Variants in EFNA5 observed in about 807,000 individuals in gnomAD.
The protein encoded by EFNA5 is ephrin A5, also known as ephrin-A5.
EFNA5 carries 5 observed loss-of-function variants against 22.9 expected under a neutral mutation model. That is an observed-to-expected ratio of 0.22 (90% CI 0.11 to 0.46). The LOEUF is 0.46. Ranked by LOEUF, EFNA5 falls within the 20% of genes least tolerant of loss-of-function variation. EFNA5 has a pLI of 0.99. For synonymous variants in EFNA5, 113 were observed against 112.2 expected, an observed-to-expected ratio of 1.01 and a Z score of -0.04; for missense variants, 237 against 293.3, an observed-to-expected ratio of 0.81 and a Z score of 1.40.
intron 1 of EFNA5, among the ~76,000 whole-genome samples, chr5:107,480,168 A>G (rs1057082912): frequency 6.6e-6 from 1 of 152,224 alleles, no homozygotes; most frequent in African/African-American, 2.4e-5. Flanking sequence ...GCTCTAGTTA[A>G]AATGGGAAAA....
chr5:107,614,123 C>T (rs995410676), intron 1 of EFNA5, among the ~76,000 whole-genome samples: 4 of 152,112 alleles, frequency 2.6e-5, no homozygotes, highest in African/African-American at 9.7e-5. Flanking sequence ...CACACATAAT[C>T]CATATCCCCA....
At chr5:107,560,079 A>G (rs966951666) in intron 1 of EFNA5, among the ~76,000 whole-genome samples, 2 of 152,158 alleles carry the variant, frequency 1.3e-5, no homozygotes, top group Non-Finnish European at 2.9e-5. Context: ...ATAAAACTAG[A>G]TTTACTCTAT....
intron 1 of EFNA5, among the ~76,000 whole-genome samples, chr5:107,508,238 T>C (rs551442527): frequency 6.6e-6 from 1 of 152,292 alleles, no homozygotes; most frequent in South Asian, 2.1e-4. Flanking sequence ...ATGGATGGCT[T>C]CTTGGAACAG....
intron 1 of EFNA5, among the ~76,000 whole-genome samples, chr5:107,657,226 A>T (rs997104055): frequency 6.6e-6 from 1 of 152,116 alleles, no homozygotes; most frequent in Admixed American, 6.5e-5. Context: ...ACTTCATCTA[A>T]AACACAAATC....
chr5:107,557,459 G>A (rs931483610), intron 1 of EFNA5, among the ~76,000 whole-genome samples: 1 of 152,252 alleles, frequency 6.6e-6, no homozygotes, highest in African/African-American at 2.4e-5. Context: ...CCCACTGGCA[G>A]AGTTGAGGGT....
At chr5:107,564,063 A>G (rs187853635) in intron 1 of EFNA5, among the ~76,000 whole-genome samples, 3 of 151,808 alleles carry the variant, frequency 2.0e-5, no homozygotes, top group African/African-American at 7.2e-5. Flanking sequence ...TACGCCTGCT[A>G]TTTTCCTCCT....
At chr5:107,532,970 C>T (rs1254735385) in intron 1 of EFNA5, among the ~76,000 whole-genome samples, 1 of 152,128 alleles carries the variant, frequency 6.6e-6, no homozygotes, top group Non-Finnish European at 1.5e-5. Flanking sequence ...AAATAGAGTA[C>T]AATAAATTCC....
chr5:107,595,718 G>A (rs1418068395), intron 1 of EFNA5, among the ~76,000 whole-genome samples: 2 of 152,132 alleles, frequency 1.3e-5, no homozygotes, highest in African/African-American at 2.4e-5. Flanking sequence ...CCCAAGATTC[G>A]GAATCAGACA....
At chr5:107,491,920 C>A (rs1344653286) in intron 1 of EFNA5, among the ~76,000 whole-genome samples, 1 of 152,076 alleles carries the variant, frequency 6.6e-6, no homozygotes, top group Non-Finnish European at 1.5e-5. Context: ...CTGCAACCTC[C>A]GCCTCCAGGG....
chr5:107,430,774 C>CTTTCTTT (rs1748931789), intron 1 of EFNA5, among the ~76,000 whole-genome samples: 1 of 20,292 alleles, frequency 4.9e-5, no homozygotes, highest in African/African-American at 8.6e-5. Flanking sequence ...TTCTTTCTTT[C>CTTTCTTT]TTTTTTTTTT....
chr5:107,499,954 T>C (rs1017353694), intron 1 of EFNA5, among the ~76,000 whole-genome samples: 1 of 152,174 alleles, frequency 6.6e-6, no homozygotes, highest in Non-Finnish European at 1.5e-5. Flanking sequence ...TGGGTCACAG[T>C]CTCAGTTCTG....
intron 4 of EFNA5, among the ~76,000 whole-genome samples, chr5:107,382,989 G>A (rs1174719232): frequency 1.3e-5 from 2 of 152,046 alleles, no homozygotes; most frequent in African/African-American, 4.8e-5. Context: ...TCCTTCACTG[G>A]GTAGAATCAC....
intron 1 of EFNA5, among the ~76,000 whole-genome samples, chr5:107,556,822 G>T (rs1748431892): frequency 6.6e-6 from 1 of 150,810 alleles, no homozygotes; most frequent in African/African-American, 2.4e-5. Flanking sequence ...CAAATCCAGT[G>T]GTCTGCAGCA....
At chr5:107,468,247 G>A (rs182910283) in intron 1 of EFNA5, among the ~76,000 whole-genome samples, 27 of 152,296 alleles carry the variant, frequency 1.8e-4, no homozygotes, top group African/African-American at 6.3e-4. Context: ...AATTATACTT[G>A]TAGCTTTAAA....
At chr5:107,606,746 C>T (rs550041766) in intron 1 of EFNA5, among the ~76,000 whole-genome samples, 14 of 152,102 alleles carry the variant, frequency 9.2e-5, no homozygotes, top group Non-Finnish European at 1.8e-4. Flanking sequence ...CTGTAGTAGG[C>T]GCTCTATAAA....
intron 1 of EFNA5, among the ~76,000 whole-genome samples, chr5:107,552,151 C>T (rs1381490760): frequency 6.6e-6 from 1 of 152,094 alleles, no homozygotes; most frequent in Non-Finnish European, 1.5e-5. Context: ...CACAACACTG[C>T]AAAACATGAC....
At chr5:107,468,102 T>C (rs1750041038) in intron 1 of EFNA5, among the ~76,000 whole-genome samples, 1 of 152,196 alleles carries the variant, frequency 6.6e-6, no homozygotes. Flanking sequence ...ACCATTCTTT[T>C]TAAAAGCAGA....
At chr5:107,446,577 TC>T (rs1749403478) in intron 1 of EFNA5, among the ~76,000 whole-genome samples, 1 of 151,494 alleles carries the variant, frequency 6.6e-6, no homozygotes, top group Non-Finnish European at 1.5e-5. Context: ...ACACGGTGAA[TC>T]CCTGTCTCTA....
chr5:107,601,447 C>G (rs182233954), intron 1 of EFNA5, among the ~76,000 whole-genome samples: 2 of 152,224 alleles, frequency 1.3e-5, no homozygotes, highest in Admixed American at 6.5e-5. Flanking sequence ...GTAAGTGTAA[C>G]TCTGAGAAAA....
Sources: allele counts gnomAD v4.1 joint callset (sites outside exome capture counted in the v4.1 genomes callset), GRCh38; gene constraint gnomAD v4.1.1; transcripts MANE v1.5; gene names NCBI Gene and HGNC (gene_info 2026-07-23, HGNC 2026-07-21).